The following ESRRG variants were observed in gnomAD, a reference collection of about 807,000 sequenced individuals.
ESRRG encodes estrogen-related receptor gamma.
Under a neutral mutation model 44.0 loss-of-function variants are expected in ESRRG, and 13 were observed. The ratio of observed to expected loss-of-function variants is 0.30; its 90% confidence interval spans 0.19 to 0.47. The LOEUF (loss-of-function observed/expected upper bound fraction) is 0.47, where lower values mean the gene tolerates loss of function less well. Among genes scored for constraint, ESRRG ranks in the 20% least tolerant of loss-of-function variants. The probability of loss-of-function intolerance (pLI) is 1.00; values close to 1 mark genes in which losing one functional copy is unlikely to be tolerated. For missense variants in ESRRG, 395 were observed against 580.6 expected, an observed-to-expected ratio of 0.68 and a Z score of 3.29; for synonymous variants, 215 against 214.6, an observed-to-expected ratio of 1.00 and a Z score of -0.02.
intron 1 of ESRRG, among the ~76,000 whole-genome samples, chr1:217,105,997 C>T (rs1197641704): frequency 6.6e-6 from 1 of 152,200 alleles, no homozygotes; most frequent in Non-Finnish European, 1.5e-5. Context: ...CAAATTCAGA[C>T]TGTGATGAAT....
intron 5 of ESRRG, among the ~76,000 whole-genome samples, chr1:216,558,785 T>A (rs1366439883): frequency 6.6e-6 from 1 of 152,202 alleles, no homozygotes; most frequent in East Asian, 1.9e-4. Context: ...CAACTACAGG[T>A]ATACAGGTAT....
intron 2 of ESRRG, among the ~76,000 whole-genome samples, chr1:216,854,596 C>T (rs2149024437): frequency 6.6e-6 from 1 of 152,158 alleles, no homozygotes; most frequent in East Asian, 1.9e-4. Context: ...AGAGCACTCA[C>T]CCTTTCCACT....
chr1:216,796,962 G>T (rs1483667322), intron 2 of ESRRG, among the ~76,000 whole-genome samples: 1 of 151,998 alleles, frequency 6.6e-6, no homozygotes, highest in Non-Finnish European at 1.5e-5. Context: ...TGCGATCTCG[G>T]CTCACTACAA....
At chr1:216,561,339 G>C (rs1026769601) in intron 5 of ESRRG, among the ~76,000 whole-genome samples, 1 of 151,698 alleles carries the variant, frequency 6.6e-6, no homozygotes, top group African/African-American at 2.4e-5. Context: ...AAGATAACAG[G>C]GGCTTGAATT....
chr1:216,627,802 G>A (rs2063438616), intron 3 of ESRRG, among the ~76,000 whole-genome samples: 1 of 122,420 alleles, frequency 8.2e-6, no homozygotes, highest in South Asian at 2.6e-4. Context: ...ATGCTCCAGG[G>A]ACCATTAAGA....
chr1:216,516,636 T>C (rs3934345), intron 6 of ESRRG, among the ~76,000 whole-genome samples: 2,262 of 130,378 alleles, frequency 0.017, 21 homozygotes, highest in African/African-American at 0.039. Context: ...CACACACACA[T>C]ACACACACAC....
intron 1 of ESRRG, among the ~76,000 whole-genome samples, chr1:217,117,416 T>A (rs749084515): frequency 1.5e-4 from 23 of 151,926 alleles, no homozygotes; most frequent in Admixed American, 5.2e-4. Flanking sequence ...AGACCCCATC[T>A]CTACAAAAAC....
chr1:217,087,550 G>A (rs1340223625), intron 1 of ESRRG, among the ~76,000 whole-genome samples: 1 of 152,146 alleles, frequency 6.6e-6, no homozygotes, highest in East Asian at 1.9e-4. Context: ...AAACTCCCCT[G>A]GCTCCCCAGG....
chr1:216,567,142 C>T (rs2059815040), intron 4 of ESRRG, among the ~76,000 whole-genome samples: 2 of 152,170 alleles, frequency 1.3e-5, no homozygotes, highest in Admixed American at 1.3e-4. Context: ...AAAAAGACAG[C>T]TAAATTGGAA....
intron 6 of ESRRG, among the ~76,000 whole-genome samples, chr1:216,510,159 G>C (rs1423236092): frequency 1.3e-5 from 2 of 152,088 alleles, no homozygotes; most frequent in African/African-American, 4.8e-5. Context: ...CTTGGATACT[G>C]GGCCCAAGTC....
At chr1:216,958,902 T>A (rs115144087) in intron 1 of ESRRG, among the ~76,000 whole-genome samples, 3,011 of 152,258 alleles carry the variant, frequency 0.02, 43 homozygotes, top group Middle Eastern at 0.044. Flanking sequence ...CTCACTTCCT[T>A]TAGTACCTTC....
chr1:216,907,380 G>A (rs2059803051), intron 2 of ESRRG, among the ~76,000 whole-genome samples: 2 of 152,272 alleles, frequency 1.3e-5, no homozygotes, highest in South Asian at 4.1e-4. Context: ...TTCCGGCTCG[G>A]CAACTGTTTT....
At chr1:216,950,550 T>C (rs2066783321) in intron 1 of ESRRG, among the ~76,000 whole-genome samples, 1 of 152,188 alleles carries the variant, frequency 6.6e-6, no homozygotes. Flanking sequence ...GCATCCACCA[T>C]ATAGTAGTGA....
intron 3 of ESRRG, among the ~76,000 whole-genome samples, chr1:216,576,012 C>CT (rs1224098241): frequency 6.6e-6 from 1 of 152,022 alleles, no homozygotes; most frequent in Non-Finnish European, 1.5e-5. Context: ...TTCCATTCCT[C>CT]TTTTTTTCCA....
chr1:216,673,653 C>T (rs1301264529), intron 2 of ESRRG, among the ~76,000 whole-genome samples: 1 of 152,236 alleles, frequency 6.6e-6, no homozygotes, highest in Non-Finnish European at 1.5e-5. Flanking sequence ...TTGCTCTATT[C>T]TAATTATTGC....
chr1:216,874,327 T>A (rs942636825), intron 2 of ESRRG, among the ~76,000 whole-genome samples: 6 of 152,224 alleles, frequency 3.9e-5, no homozygotes, highest in African/African-American at 1.2e-4. Flanking sequence ...TAGGGTGAAT[T>A]GTGCTTATTC....
At chr1:216,640,834 A>C (rs943094707) in intron 3 of ESRRG, among the ~76,000 whole-genome samples, 1 of 152,172 alleles carries the variant, frequency 6.6e-6, no homozygotes, top group Non-Finnish European at 1.5e-5. Flanking sequence ...ACAAGGAACA[A>C]AAATCTGTTG....
intron 2 of ESRRG, among the ~76,000 whole-genome samples, chr1:216,914,379 G>A (rs1301744790): frequency 6.6e-6 from 1 of 152,076 alleles, no homozygotes; most frequent in African/African-American, 2.4e-5. Flanking sequence ...TCACACAAAT[G>A]AAATACAATG....
chr1:217,040,415 C>T (rs2083641265), intron 1 of ESRRG, among the ~76,000 whole-genome samples: 1 of 152,020 alleles, frequency 6.6e-6, no homozygotes, highest in Admixed American at 6.6e-5. Flanking sequence ...AAAAATATCC[C>T]CCTTTTTTTC....
Sources: gnomAD v4.1 joint callset for allele counts (sites outside exome capture counted in the v4.1 genomes callset) on GRCh38, gnomAD v4.1.1 for gene constraint, MANE v1.5 for transcripts, NCBI Gene and HGNC (gene_info 2026-07-23, HGNC 2026-07-21) for gene names.